IGFBP7: variants seen among roughly 807,000 people sequenced by gnomAD.
IGFBP7 encodes insulin like growth factor binding protein 7.
A neutral mutation model predicts 29.4 loss-of-function variants in IGFBP7; 31 were observed. The observed-to-expected ratio is 1.05, with a 90% CI of 0.79 to 1.42. The LOEUF is 1.42. IGFBP7 is among the 40% of genes most tolerant of loss of function. The pLI, the probability that IGFBP7 is intolerant of heterozygous loss-of-function variation, is 0.00. For missense variants in IGFBP7, 393 were observed against 395.5 expected, an observed-to-expected ratio of 0.99 and a Z score of 0.05; for synonymous variants, 172 against 174.9, an observed-to-expected ratio of 0.98 and a Z score of 0.13.
chr4:57,059,101 G>A (rs1171288219), intron 1 of IGFBP7, among the ~76,000 whole-genome samples: 3 of 152,300 alleles, frequency 2.0e-5, no homozygotes, highest in Non-Finnish European at 2.9e-5. Flanking sequence ...AACAACAGAT[G>A]CTGGCAAGGT....
intron 1 of IGFBP7, among the ~76,000 whole-genome samples, chr4:57,093,475 G>T (rs1725686893): frequency 6.6e-6 from 1 of 151,322 alleles, no homozygotes; most frequent in South Asian, 2.1e-4. Flanking sequence ...ACTCCAGCCT[G>T]GGCAACAGAG....
At chr4:57,043,637 C>T (rs1015263160) in intron 1 of IGFBP7, among the ~76,000 whole-genome samples, 2 of 152,120 alleles carry the variant, frequency 1.3e-5, no homozygotes, top group East Asian at 1.9e-4. Context: ...GCAAAACAAT[C>T]AAAAGTTTGG....
chr4:57,048,423 T>C (rs1317282790), intron 1 of IGFBP7, among the ~76,000 whole-genome samples: 1 of 152,210 alleles, frequency 6.6e-6, no homozygotes, highest in African/African-American at 2.4e-5. Flanking sequence ...TATTTGATTA[T>C]AATCTAGAAA....
chr4:57,087,909 T>C (rs1725535347), intron 1 of IGFBP7, among the ~76,000 whole-genome samples: 1 of 4,198 alleles, frequency 2.4e-4, no homozygotes, highest in African/African-American at 5.4e-4. Context: ...CTTATGCCTG[T>C]AATCCCAACA....
At chr4:57,069,905 A>C (rs913231709) in intron 1 of IGFBP7, among the ~76,000 whole-genome samples, 4 of 152,166 alleles carry the variant, frequency 2.6e-5, no homozygotes, top group African/African-American at 9.7e-5. Context: ...CAACATGACA[A>C]AACCCTGTCT....
chr4:57,072,067 G>T (rs892902598), intron 1 of IGFBP7, among the ~76,000 whole-genome samples: 1 of 152,044 alleles, frequency 6.6e-6, no homozygotes, highest in Non-Finnish European at 1.5e-5. Flanking sequence ...TGTCACGGGG[G>T]TCTGTTGTAC....
rs547564369 is a variant in IGFBP7, at chr4:57,087,052, G to A, written c.475+22825C>T. On this transcript the variant is annotated intron_variant, in intron 1 of 4. Coordinates refer to ENST00000295666, the MANE Select transcript of IGFBP7 (RefSeq NM_001553.3). Reference sequence around the variant, plus strand: ...CCTGATCTAGTGGCTCAGTTATTATGAGGAGATTGAATACAGGAGACCGAC... The same window carrying A: ...CCTGATCTAGTGGCTCAGTTATTATAAGGAGATTGAATACAGGAGACCGAC... Among the ~76,000 whole-genome samples the A allele has an allele frequency of 5.6e-4, 85 of 152,244 alleles. 1 individual carries two copies. Among genetic ancestry groups the A allele is most frequent in the African/African-American group, 1.8e-3 (74 of 41,544 alleles).
chr4:57,050,836 G>T (rs1385619071), intron 1 of IGFBP7, among the ~76,000 whole-genome samples: 1 of 152,020 alleles, frequency 6.6e-6, no homozygotes, highest in Non-Finnish European at 1.5e-5. Flanking sequence ...GGGGTTACAG[G>T]CATGAGCCAC....
chr4:57,073,611 A>T (rs963778174), intron 1 of IGFBP7, among the ~76,000 whole-genome samples: 4 of 151,982 alleles, frequency 2.6e-5, no homozygotes, highest in Admixed American at 6.6e-5. Context: ...AAAAAATTAA[A>T]TAAATAAATA....
chr4:57,097,654 C>T (rs1411504329), intron 1 of IGFBP7, among the ~76,000 whole-genome samples: 4 of 47,494 alleles, frequency 8.4e-5, no homozygotes, highest in African/African-American at 1.8e-4. Context: ...TATTGCCTCA[C>T]TTAACTTCAC....
chr4:57,076,417 T>C (rs1578636412), intron 1 of IGFBP7, among the ~76,000 whole-genome samples: 1 of 152,322 alleles, frequency 6.6e-6, no homozygotes, highest in Middle Eastern at 3.4e-3. Context: ...TCCTTGGATG[T>C]CCCTCTCTTG....
At chr4:57,072,960 C>A in intron 1 of IGFBP7, 1 of 812,234 alleles carries the variant, frequency 1.2e-6, no homozygotes. Context: ...GACAAGTGGT[C>A]TGCCCTGTAT....
intron 1 of IGFBP7, among the ~76,000 whole-genome samples, chr4:57,074,623 G>T (rs990986125): frequency 2.6e-5 from 4 of 152,264 alleles, no homozygotes; most frequent in African/African-American, 7.2e-5. Flanking sequence ...TAAAGTTGGA[G>T]GAAGGCCCTT....
intron 1 of IGFBP7, among the ~76,000 whole-genome samples, chr4:57,062,312 G>T (rs189520805): frequency 2.0e-4 from 31 of 152,256 alleles, no homozygotes; most frequent in Non-Finnish European, 4.0e-4. Context: ...AAGCCAAGGA[G>T]ATTAGTTATG....
At chr4:57,078,223 G>A (rs769797836) in intron 1 of IGFBP7, among the ~76,000 whole-genome samples, 3 of 151,980 alleles carry the variant, frequency 2.0e-5, no homozygotes, top group South Asian at 2.1e-4. Flanking sequence ...TAACCCTCAC[G>A]ACAGCCCTGT....
chr4:57,065,905 C>T (rs1368710046), intron 1 of IGFBP7, among the ~76,000 whole-genome samples: 1 of 152,222 alleles, frequency 6.6e-6, no homozygotes, highest in Non-Finnish European at 1.5e-5. Flanking sequence ...ACGGTCCTCA[C>T]TCCCAGAGGA....
rs113115447 is a variant in IGFBP7, at chr4:57,043,820, A to T, written c.476-2887T>A. ...CTCAGACATTTCCTAGTCTGGATGCAGCAATACAGAACCCTGCAAAGGGCT... is the reference window on the plus strand; with the variant it reads ...CTCAGACATTTCCTAGTCTGGATGCTGCAATACAGAACCCTGCAAAGGGCT... On this transcript the variant is annotated intron_variant, in intron 1 of 4. Coordinates refer to ENST00000295666, the MANE Select transcript of IGFBP7 (RefSeq NM_001553.3). Among the ~76,000 whole-genome samples, 600 of 152,346 alleles carry T rather than the reference A, an allele frequency of 3.9e-3. 2 individuals are homozygous for T. The highest frequency in any genetic ancestry group is 6.1e-3 in the Non-Finnish European group (418 of 68,024).
At chr4:57,107,628 T>G (rs1335240903) in intron 1 of IGFBP7, among the ~76,000 whole-genome samples, 1 of 152,194 alleles carries the variant, frequency 6.6e-6, no homozygotes, top group Non-Finnish European at 1.5e-5. Context: ...CTCCTATAAA[T>G]GGTCTCTGCC....
intron 1 of IGFBP7, among the ~76,000 whole-genome samples, chr4:57,068,685 T>A (rs1167748775): frequency 6.6e-6 from 1 of 152,210 alleles, no homozygotes; most frequent in East Asian, 1.9e-4. Flanking sequence ...ACTGTCACAG[T>A]GCATGTATAT....
Sources: allele counts gnomAD v4.1 joint callset (sites outside exome capture counted in the v4.1 genomes callset), GRCh38; gene constraint gnomAD v4.1.1; transcripts MANE v1.5; gene names NCBI Gene and HGNC (gene_info 2026-07-23, HGNC 2026-07-21).